Variants in CSMD1 observed in about 807,000 individuals in gnomAD.
The protein encoded by CSMD1 is CUB and sushi domain-containing protein 1.
A neutral mutation model predicts 417.5 loss-of-function variants in CSMD1; 213 were observed. That is an observed-to-expected ratio of 0.51 (90% CI 0.46 to 0.57). The LOEUF (loss-of-function observed/expected upper bound fraction) is 0.57. CSMD1 is among the 20% of genes least tolerant of loss of function. The pLI is 0.00. For missense variants in CSMD1, 6,923 were observed against 4,529.7 expected, an observed-to-expected ratio of 1.53 and a Z score of -15.17; for synonymous variants, 2,862 against 1,736.8, an observed-to-expected ratio of 1.65 and a Z score of -16.11.
intron 41 of CSMD1, among the ~76,000 whole-genome samples, chr8:3,132,155 T>A (rs144564123): frequency 6.6e-6 from 1 of 152,192 alleles, no homozygotes; most frequent in Non-Finnish European, 1.5e-5. Context: ...GGCCACCCAG[T>A]GGGTTTTACC....
At chr8:4,415,369 G>A (rs13277788) in intron 3 of CSMD1, among the ~76,000 whole-genome samples, 3,502 of 152,184 alleles carry the variant, frequency 0.023, 61 homozygotes, top group Middle Eastern at 0.041. Flanking sequence ...TCCTTCTGTT[G>A]TCTCTCTTCC....
chr8:4,154,538 C>G (rs997470863), intron 3 of CSMD1, among the ~76,000 whole-genome samples: 1 of 152,122 alleles, frequency 6.6e-6, no homozygotes, highest in Non-Finnish European at 1.5e-5. Flanking sequence ...AGAGCAGAAG[C>G]CAGGACACTA....
intron 6 of CSMD1, among the ~76,000 whole-genome samples, chr8:3,741,357 G>A (rs1364926890): frequency 6.6e-6 from 1 of 152,110 alleles, no homozygotes; most frequent in Non-Finnish European, 1.5e-5. Flanking sequence ...GACAGTGAGA[G>A]GGGAGACCGA....
chr8:3,469,157 G>C (rs1482945596), intron 11 of CSMD1: 3 of 202,126 alleles, frequency 1.5e-5, no homozygotes, highest in Non-Finnish European at 3.0e-5. Flanking sequence ...GACAGTCCTG[G>C]AAAAAATATG....
At chr8:2,958,916 T>G (rs992415195) in intron 62 of CSMD1, among the ~76,000 whole-genome samples, 2 of 152,196 alleles carry the variant, frequency 1.3e-5, no homozygotes, top group African/African-American at 4.8e-5. Context: ...AAGGAAATAG[T>G]TGGTACACTG....
At chr8:4,095,440 C>A (rs1383134824) in intron 3 of CSMD1, among the ~76,000 whole-genome samples, 3 of 152,090 alleles carry the variant, frequency 2.0e-5, no homozygotes, top group Non-Finnish European at 4.4e-5. Context: ...GATTGTAGTT[C>A]TTTCTTGCAA....
chr8:4,356,329 T>TACACACACAC (rs3990908), intron 3 of CSMD1, among the ~76,000 whole-genome samples: 127 of 150,974 alleles, frequency 8.4e-4, no homozygotes, highest in Middle Eastern at 3.4e-3. Context: ...TCATATGTAA[T>TACACACACAC]ACACACACAC....
At chr8:3,271,566 T>G (rs1349206464) in intron 26 of CSMD1, among the ~76,000 whole-genome samples, 3 of 151,558 alleles carry the variant, frequency 2.0e-5, no homozygotes, top group Non-Finnish European at 4.4e-5. Flanking sequence ...GTGTTCCTAT[T>G]TCTCCACATC....
chr8:4,414,321 G>T (rs56181019), intron 3 of CSMD1, among the ~76,000 whole-genome samples: 1 of 152,076 alleles, frequency 6.6e-6, no homozygotes, highest in Non-Finnish European at 1.5e-5. Flanking sequence ...ATCACTTCCT[G>T]AAACCCGAAG....
intron 12 of CSMD1, among the ~76,000 whole-genome samples, chr8:3,453,208 C>T (rs1037707035): frequency 6.6e-6 from 1 of 151,918 alleles, no homozygotes; most frequent in Non-Finnish European, 1.5e-5. Flanking sequence ...TTTCTCTTTT[C>T]TTCTTTATAG....
At chr8:3,279,817 C>G (rs374041771) in intron 26 of CSMD1, among the ~76,000 whole-genome samples, 2 of 152,104 alleles carry the variant, frequency 1.3e-5, no homozygotes, top group East Asian at 3.9e-4. Flanking sequence ...ACCAACAGAT[C>G]TCATGAGACT....
At chr8:4,845,185 C>G (rs1801072405) in intron 1 of CSMD1, among the ~76,000 whole-genome samples, 1 of 152,078 alleles carries the variant, frequency 6.6e-6, no homozygotes, top group South Asian at 2.1e-4. Flanking sequence ...GAGTATAACA[C>G]ATTATTACAC....
intron 1 of CSMD1, among the ~76,000 whole-genome samples, chr8:4,670,846 C>T (rs766469338): frequency 1.3e-4 from 20 of 152,212 alleles, no homozygotes; most frequent in African/African-American, 3.9e-4. Context: ...AGCAAAAGAA[C>T]GTGTTTGTGT....
intron 3 of CSMD1, among the ~76,000 whole-genome samples, chr8:4,140,297 G>T (rs910141710): frequency 6.6e-6 from 1 of 150,922 alleles, no homozygotes; most frequent in Non-Finnish European, 1.5e-5. Flanking sequence ...AGGAGTTTGA[G>T]ACCAGCCTGA....
intron 1 of CSMD1, among the ~76,000 whole-genome samples, chr8:4,911,553 G>A (rs142642270): frequency 2.0e-4 from 30 of 152,222 alleles, no homozygotes; most frequent in South Asian, 6.2e-4. Flanking sequence ...AAACTTTACT[G>A]CTAATACCTG....
At chr8:4,036,596 A>G (rs987092429) in intron 3 of CSMD1, among the ~76,000 whole-genome samples, 25 of 152,210 alleles carry the variant, frequency 1.6e-4, no homozygotes, top group African/African-American at 6.0e-4. Context: ...TTTAATAGGG[A>G]AAAATTAAGG....
chr8:4,443,506 ATT>A (rs1219327569), intron 2 of CSMD1, among the ~76,000 whole-genome samples: 2 of 152,212 alleles, frequency 1.3e-5, no homozygotes, highest in Non-Finnish European at 2.9e-5. Context: ...TGCCACATAT[ATT>A]AACACCAGAA....
chr8:3,834,796 G>A (rs917410893), intron 5 of CSMD1, among the ~76,000 whole-genome samples: 1 of 151,702 alleles, frequency 6.6e-6, no homozygotes, highest in African/African-American at 2.4e-5. Context: ...CAAAATGGGA[G>A]AAAATTTTCA....
At chr8:3,487,347 G>T (rs924626227) in intron 11 of CSMD1, among the ~76,000 whole-genome samples, 11 of 151,928 alleles carry the variant, frequency 7.2e-5, no homozygotes, top group African/African-American at 2.7e-4. Flanking sequence ...GACTACAGGC[G>T]CCCGCCACCA....
Sources: gnomAD v4.1 joint callset for allele counts (sites outside exome capture counted in the v4.1 genomes callset) on GRCh38, gnomAD v4.1.1 for gene constraint, MANE v1.5 for transcripts, NCBI Gene and HGNC (gene_info 2026-07-23, HGNC 2026-07-21) for gene names.